Variants in GSTM4 observed in about 807,000 individuals in gnomAD.
The protein encoded by GSTM4 is GST class-mu 4.
A neutral mutation model predicts 30.1 loss-of-function variants in GSTM4; 27 were observed. The ratio of observed to expected loss-of-function variants is 0.90; its 90% CI spans 0.66 to 1.24. The LOEUF (loss-of-function observed/expected upper bound fraction) is 1.24. Ranked by LOEUF, GSTM4 falls within the 50% of genes most tolerant of loss-of-function variation. The pLI is 0.00. For missense variants in GSTM4, 238 were observed against 272.1 expected (o/e 0.87, Z 0.88); for synonymous variants, 94 against 96.2 (o/e 0.98, Z 0.13).
intron 1 of GSTM4, 105 bp from the exon 2 acceptor site, chr1:109,656,607 G>C: frequency 1.4e-6 from 1 of 732,522 alleles, no homozygotes; most frequent in Non-Finnish European, 2.4e-6. Context: ...CCGGGGTGGG[G>C]GGGGGGTGCA....
At chr1:109,666,290 A>G (rs571921282), downstream of GSTM4, among the ~76,000 whole-genome samples, 4 of 152,166 alleles carry the variant, frequency 2.6e-5, no homozygotes, top group Non-Finnish European at 5.9e-5. Flanking sequence ...ATGTTTCACC[A>G]TGCTTCCCAG....
At chr1:109,664,383 G>A (rs1490344979), downstream of GSTM4, among the ~76,000 whole-genome samples, 1 of 21,168 alleles carries the variant, frequency 4.7e-5, no homozygotes, top group African/African-American at 1.2e-4. Flanking sequence ...TTTTTGATGT[G>A]GAGTCTTACT....
intron 7 of GSTM4, chr1:109,660,219 G>A (rs1489185178): frequency 1.3e-5 from 2 of 157,906 alleles, no homozygotes; most frequent in Non-Finnish European, 2.8e-5. Flanking sequence ...GGTTATGTAA[G>A]AGGTAGTGGG....
downstream of GSTM4, chr1:109,665,364 G>T: frequency 2.9e-6 from 1 of 349,400 alleles, no homozygotes; most frequent in Non-Finnish European, 5.3e-6. Context: ...TTTAGCCTCT[G>T]AATGATACCA....
At position 109,659,128 on chromosome 1, in the gene GSTM4, C is replaced by G; in HGVS notation, c.567+18C>G. The G allele has an allele frequency of 6.2e-7, 1 of 1,614,228 alleles. No individual in the cohort carries two copies. The highest frequency in any genetic ancestry group is 8.5e-7 in the Non-Finnish European group (1 of 1,180,056). On this transcript the variant is annotated intron_variant, in intron 7 of 7. Coordinates refer to ENST00000369836, the MANE Select transcript of GSTM4 (RefSeq NM_000850.5). ...GCTTTGAGGTGATGCCCCCATCCTC[C>G]TTTCTCTTTGATGCCCCTTGTTCCG...
downstream of GSTM4, among the ~76,000 whole-genome samples, chr1:109,662,674 G>A (rs965271329): frequency 1.3e-5 from 2 of 152,132 alleles, no homozygotes; most frequent in Non-Finnish European, 2.9e-5. Context: ...TTATTAGAAA[G>A]CAGAAAGTTA....
intron 7 of GSTM4, 103 bp from the exon 8 acceptor site, chr1:109,661,062 A>C: frequency 6.6e-7 from 1 of 1,512,940 alleles, no homozygotes; most frequent in South Asian, 1.2e-5. Flanking sequence ...CCCACGTGGA[A>C]AGGCTGTGGC....
Position 109,657,682 on chromosome 1 carries a change from T to G in GSTM4, c.259+11T>G. 3.1e-6 allele frequency: 5 copies of G among 1,614,164 alleles called. No homozygotes were observed. The South Asian group carries it at 3.3e-5, about 11-fold the overall frequency. On this transcript the variant is annotated intron_variant, in intron 4 of 7. Coordinates refer to ENST00000369836, the MANE Select transcript of GSTM4 (RefSeq NM_000850.5). ...GCAAGCACAACCTGTGTGAGTGTGGTTGGCTGCAGTGTGTGGGGGGAAGGT... is the reference window on the plus strand; with the variant it reads ...GCAAGCACAACCTGTGTGAGTGTGGGTGGCTGCAGTGTGTGGGGGGAAGGT...
At chr1:109,665,669 C>T (rs553385860), downstream of GSTM4, among the ~76,000 whole-genome samples, 1 of 152,230 alleles carries the variant, frequency 6.6e-6, no homozygotes, top group South Asian at 2.1e-4. Context: ...ATATCTATTA[C>T]CTGGGGGCTT....
At position 109,659,126 on chromosome 1, in the gene GSTM4, T is replaced by G; in HGVS notation, c.567+16T>G. Reference sequence around the variant, plus strand: ...CCGCTTTGAGGTGATGCCCCCATCCTCCTTTCTCTTTGATGCCCCTTGTTC... The same window carrying G: ...CCGCTTTGAGGTGATGCCCCCATCCGCCTTTCTCTTTGATGCCCCTTGTTC... On this transcript the variant is annotated intron_variant, in intron 7 of 7. Coordinates refer to ENST00000369836, the MANE Select transcript of GSTM4 (RefSeq NM_000850.5). 6.2e-7 allele frequency: 1 copy of G among 1,614,194 alleles called. No individual in the cohort carries two copies. Among genetic ancestry groups the G allele is most frequent in the Non-Finnish European group, 8.5e-7 (1 of 1,180,040 alleles).
intron 7 of GSTM4, 49 bp from the exon 8 acceptor site, chr1:109,661,116 C>T (rs1350759663): frequency 6.2e-7 from 1 of 1,607,262 alleles, no homozygotes; most frequent in Non-Finnish European, 8.5e-7. Flanking sequence ...TGTCCCAGCC[C>T]TCATGGGCAG....
In GSTM4 at chr1:109,661,486, C is replaced by T. The variant is rs1652318897; in HGVS notation, c.*232C>T. On this transcript the variant is annotated 3_prime_UTR_variant, in exon 8 of 8. Transcript: ENST00000369836. ...CACTTTCCTTCATGAACATCCCCCT[C>T]CCAACACTACCCTTCCCTGCACTAA... is the stretch of plus-strand genomic sequence containing the variant. The T allele has an allele frequency of 7.2e-7, 1 of 1,391,184 alleles. No individual in the cohort carries two copies. Among genetic ancestry groups the T allele is most frequent in the Non-Finnish European group, 9.4e-7 (1 of 1,067,990 alleles). 86.2% of individuals were successfully genotyped at this position (1,391,184 alleles called of 1,614,324 possible).
downstream of GSTM4, among the ~76,000 whole-genome samples, chr1:109,666,917 G>A (rs530513594): frequency 6.6e-6 from 1 of 152,112 alleles, no homozygotes; most frequent in African/African-American, 2.4e-5. Context: ...TAGTACAGTC[G>A]GGATTTCACC....
chr1:109,663,968 A>G (rs1652385385), downstream of GSTM4, among the ~76,000 whole-genome samples: 1 of 152,176 alleles, frequency 6.6e-6, no homozygotes. Context: ...ATTTTTATTT[A>G]TGCCTACTTC....
rs1651965751 is a variant in GSTM4 at position 109,656,140 on chromosome 1, C to T, written c.-250C>T. ...TTGCTCCCTGAACACTCGGAGGTGG[C>T]GGTGGATCTTACTCCTTCCAGCCAG... On this transcript the variant is annotated 5_prime_UTR_variant, in exon 1 of 8. Coordinates refer to ENST00000369836, the MANE Select transcript of GSTM4 (RefSeq NM_000850.5). The T allele has an allele frequency of 4.1e-6, 2 of 490,472 alleles. No homozygotes were observed. The highest frequency in any genetic ancestry group is 7.6e-6 in the Non-Finnish European group (2 of 264,668). 30.4% of individuals were successfully genotyped at this position (490,472 alleles called of 1,614,324 possible).
chr1:109,665,678 T>TTTC (rs1647298296), downstream of GSTM4, among the ~76,000 whole-genome samples: 1 of 152,142 alleles, frequency 6.6e-6, no homozygotes, highest in African/African-American at 2.4e-5. Context: ...ACCTGGGGGC[T>TTTC]TTTCTATATG....
chr1:109,656,408 T>G lies in GSTM4; in HGVS notation c.19T>G (p.Tyr7Asp). 3 of 1,613,180 alleles carry G rather than the reference T, an allele frequency of 1.9e-6. No homozygotes were observed. Among genetic ancestry groups the G allele is most frequent in the Non-Finnish European group, 2.5e-6 (3 of 1,179,492 alleles). Residue 7 changes from tyrosine (Y) to aspartate (D), a missense_variant, in exon 1 of 8, where the codon TAC (tyrosine) becomes GAC (aspartate). Physicochemically the swap from Tyr to Asp is radical, Grantham distance 160. Coordinates refer to ENST00000369836, the MANE Select transcript of GSTM4 (RefSeq NM_000850.5). ...CAGCATCATGTCCATGACACTGGGG[T>G]ACTGGGACATCCGCGGGGTGAGTGA... MSMTLG[Y>D]WDIRGLAHAI...
chr1:109,666,204 C>A (rs1372117217), downstream of GSTM4, among the ~76,000 whole-genome samples: 1 of 152,170 alleles, frequency 6.6e-6, no homozygotes, highest in East Asian at 1.9e-4. Flanking sequence ...GATCCTCCCA[C>A]CTCAGCCTCT....
At chr1:109,664,731 G>A (rs1647249592), downstream of GSTM4, among the ~76,000 whole-genome samples, 1 of 152,106 alleles carries the variant, frequency 6.6e-6, no homozygotes, top group African/African-American at 2.4e-5. Flanking sequence ...TTAGGTACTT[G>A]AGGGATTGCA....
Sources: allele counts gnomAD v4.1 joint callset (sites outside exome capture counted in the v4.1 genomes callset), GRCh38; gene constraint gnomAD v4.1.1; transcripts MANE v1.5; gene names NCBI Gene and HGNC (gene_info 2026-07-23, HGNC 2026-07-21).